TXNRD1: variants seen among roughly 807,000 people sequenced by gnomAD.
TXNRD1 encodes the protein thioredoxin reductase 1, cytoplasmic.
TXNRD1 carries 57 observed loss-of-function variants against 80.3 expected under a neutral mutation model. That is an observed-to-expected ratio of 0.71 (90% confidence interval 0.57 to 0.89). The LOEUF is 0.89. Ranked by LOEUF, TXNRD1 falls within the 40% of genes least tolerant of loss-of-function variation. The pLI is 0.00. For missense variants in TXNRD1, 730 were observed against 803.0 expected, an observed-to-expected ratio of 0.91 and a Z score of 1.10; for synonymous variants, 291 against 285.2, an observed-to-expected ratio of 1.02 and a Z score of -0.20.
intron 5 of TXNRD1, 149 bp downstream of exon 5, chr12:104,311,561 C>T: frequency 3.3e-6 from 3 of 905,768 alleles, no homozygotes; most frequent in Admixed American, 3.1e-5. Context: ...ACATGGACAT[C>T]GTAAGGGACC....
chr12:104,334,380 T>G, intron 15 of TXNRD1, 48 bp downstream of exon 15: 1 of 1,240,046 alleles, frequency 8.1e-7, no homozygotes, highest in Non-Finnish European at 1.1e-6. Flanking sequence ...TAGTTGTTGT[T>G]TTTTGTTGTT....
intron 1 of TXNRD1, among the ~76,000 whole-genome samples, chr12:104,221,195 C>T (rs773725899): frequency 6.6e-6 from 1 of 151,676 alleles, no homozygotes; most frequent in African/African-American, 2.4e-5. Flanking sequence ...CGTGGGAGGT[C>T]GAGGCTGCAG....
intron 3 of TXNRD1, among the ~76,000 whole-genome samples, chr12:104,280,983 C>T (rs1303476775): frequency 6.6e-6 from 1 of 152,138 alleles, no homozygotes. Flanking sequence ...ATGTTTGACA[C>T]CAAATGTTTA....
intron 6 of TXNRD1, among the ~76,000 whole-genome samples, chr12:104,314,412 GT>G (rs1419144551): frequency 6.6e-6 from 1 of 152,164 alleles, no homozygotes; most frequent in African/African-American, 2.4e-5. Context: ...TATTTAATGT[GT>G]CAATCTGTGT....
At position 104,334,024 on chromosome 12, in the gene TXNRD1, T is replaced by C. The variant is rs927067975; in HGVS notation, c.1651-213T>C. On this transcript the variant is annotated intron_variant, in intron 14 of 16. Transcript: ENST00000525566. Reference sequence around the variant, plus strand: ...GGTGTACTATTTTGAGGTAGAGATATACATAATTAAGGGATGAGCTTATAG... The same window carrying C: ...GGTGTACTATTTTGAGGTAGAGATACACATAATTAAGGGATGAGCTTATAG... The C allele has an allele frequency of 3.1e-5, 10 of 317,906 alleles. No individual in the cohort carries two copies. The East Asian group carries it at 3.8e-4, about 12-fold the overall frequency. The allele number at this position is 317,906 out of a possible 1,614,324, so 19.7% of individuals were successfully genotyped here.
chr12:104,288,633 T>G, intron 3 of TXNRD1: 1 of 681,490 alleles, frequency 1.5e-6, no homozygotes, highest in Non-Finnish European at 2.1e-6. Flanking sequence ...AAGTAGGACG[T>G]TTAATTTTAG....
At chr12:104,272,373 G>C (rs766828012) in intron 3 of TXNRD1, among the ~76,000 whole-genome samples, 38 of 152,128 alleles carry the variant, frequency 2.5e-4, no homozygotes, top group Non-Finnish European at 4.7e-4. Context: ...TGACAGAGCA[G>C]GTAATCGGAA....
At chr12:104,307,773 G>A (rs927065499) in intron 4 of TXNRD1, among the ~76,000 whole-genome samples, 3 of 152,160 alleles carry the variant, frequency 2.0e-5, no homozygotes, top group Admixed American at 1.3e-4. Flanking sequence ...GGGGAGCCTG[G>A]AGCAGTGTTT....
chr12:104,238,659 A>T (rs1006089834), intron 1 of TXNRD1, among the ~76,000 whole-genome samples: 6 of 152,068 alleles, frequency 3.9e-5, no homozygotes, highest in African/African-American at 1.2e-4. Context: ...TTCATTCTTT[A>T]TTCTATTAAT....
Position 104,327,472 on chromosome 12 carries a change from A to G in TXNRD1, c.1386-43A>G, listed in dbSNP as rs569367350. ...CGGAAGATTTTGTTCTCCTTAATTA[A>G]TAATGGTAATTAATGATGATTTTTA... On this transcript the variant is annotated intron_variant, in intron 12 of 16. Coordinates refer to ENST00000525566, the MANE Select transcript of TXNRD1 (RefSeq NM_001093771.3). The G allele has an allele frequency of 9.6e-5, 150 of 1,569,552 alleles. No homozygotes were observed. In the East Asian group the frequency reaches 3.4e-3, roughly 35 times the overall value.
intron 3 of TXNRD1, among the ~76,000 whole-genome samples, chr12:104,269,785 G>T (rs1406684325): frequency 6.6e-6 from 1 of 151,942 alleles, no homozygotes; most frequent in Non-Finnish European, 1.5e-5. Context: ...TGGCCAGGAT[G>T]GTCTCGATCT....
At chr12:104,311,155 G>C in intron 4 of TXNRD1, 135 bp from the exon 5 acceptor site, 1 of 989,026 alleles carries the variant, frequency 1.0e-6, no homozygotes, top group Non-Finnish European at 1.4e-6. Flanking sequence ...ATTTCCATCT[G>C]TATGCTGTAA....
intron 4 of TXNRD1, among the ~76,000 whole-genome samples, chr12:104,302,384 C>CTT (rs74263333): frequency 8.2e-6 from 1 of 122,430 alleles, no homozygotes; most frequent in Admixed American, 8.2e-5. Context: ...TTGTGGGTGT[C>CTT]TTTTTTTTTT....
chr12:104,251,556 C>G lies in TXNRD1; in HGVS notation c.121C>G (p.Pro41Ala). 6.2e-7 allele frequency: 1 copy of G among 1,613,858 alleles called. No individual in the cohort carries two copies. Among genetic ancestry groups the G allele is most frequent in the Non-Finnish European group, 8.5e-7 (1 of 1,179,828 alleles). ...AKDHHPGKTL[P>A]ENPAGFTSTA... ...AGATCATCACCCTGGTAAAACTTTGCCAGAGAACCCAGCAGGATTCACCAG... is the reference window on the plus strand; with the variant it reads ...AGATCATCACCCTGGTAAAACTTTGGCAGAGAACCCAGCAGGATTCACCAG... Residue 41 changes from proline to alanine, a missense_variant, in exon 2 of 17, where the codon CCA (proline) becomes GCA (alanine). Physicochemically the swap from Pro to Ala is conservative, Grantham distance 27. Transcript: ENST00000525566.
chr12:104,336,969 C>T (rs1209271534), intron 15 of TXNRD1, among the ~76,000 whole-genome samples: 5 of 148,254 alleles, frequency 3.4e-5, no homozygotes, highest in African/African-American at 1.2e-4. Flanking sequence ...CTTCTGTCTT[C>T]CTTCACTTCA....
At chr12:104,334,394 T>G (rs989785651) in intron 15 of TXNRD1, 62 bp downstream of exon 15, 49 of 1,083,340 alleles carry the variant, frequency 4.5e-5, no homozygotes, top group African/African-American at 4.3e-4. Context: ...TGTTGTTGTT[T>G]TTTTTTTAGA....
chr12:104,301,589 A>G (rs1460039640), intron 4 of TXNRD1, among the ~76,000 whole-genome samples: 4 of 152,138 alleles, frequency 2.6e-5, no homozygotes, highest in African/African-American at 7.2e-5. Flanking sequence ...CGCCCGCCTC[A>G]GCCTCCCAAA....
intron 4 of TXNRD1, among the ~76,000 whole-genome samples, chr12:104,293,713 G>A (rs187677867): frequency 1.1e-4 from 16 of 152,188 alleles, no homozygotes; most frequent in Admixed American, 3.3e-4. Context: ...GTGCGGCGAC[G>A]AGAGAGTGTA....
At chr12:104,254,190 G>A (rs1018521888) in intron 2 of TXNRD1, among the ~76,000 whole-genome samples, 5 of 152,046 alleles carry the variant, frequency 3.3e-5, no homozygotes, top group African/African-American at 1.2e-4. Flanking sequence ...TATATCGTAA[G>A]TTTGTTATGA....
Sources: gnomAD v4.1 joint callset for allele counts (sites outside exome capture counted in the v4.1 genomes callset) on GRCh38, gnomAD v4.1.1 for gene constraint, MANE v1.5 for transcripts, NCBI Gene and HGNC (gene_info 2026-07-23, HGNC 2026-07-21) for gene names.